The following ITGA4 variants were observed in gnomAD, a reference collection of about 807,000 sequenced individuals.
ITGA4 encodes the protein integrin subunit alpha 4, also known as integrin alpha-4.
A neutral mutation model predicts 133.6 loss-of-function variants in ITGA4; 63 were observed. The observed-to-expected ratio is 0.47, with a 90% CI of 0.38 to 0.58. The LOEUF (loss-of-function observed/expected upper bound fraction) is 0.58, where lower values mean the gene tolerates loss of function less well. Among genes scored for constraint, ITGA4 ranks in the 20% least tolerant of loss-of-function variants. The pLI is 0.00. For missense variants in ITGA4, 1,076 were observed against 1,252.7 expected (o/e 0.86, Z 2.13); for synonymous variants, 483 against 438.0 (o/e 1.10, Z -1.28).
intron 2 of ITGA4, among the ~76,000 whole-genome samples, chr2:181,472,364 C>T (rs984206967): frequency 6.6e-6 from 1 of 152,154 alleles, no homozygotes. Context: ...CTGGGTGGCT[C>T]TCTCTAGAAT....
intron 10 of ITGA4, among the ~76,000 whole-genome samples, chr2:181,488,900 G>A (rs1052858071): frequency 6.6e-6 from 1 of 152,088 alleles, no homozygotes; most frequent in Non-Finnish European, 1.5e-5. Flanking sequence ...ATGAGTAGGC[G>A]TTTTCTATAT....
chr2:181,509,848 T>G (rs531399661), intron 16 of ITGA4, 41 bp downstream of exon 16: 1 of 1,446,420 alleles, frequency 6.9e-7, no homozygotes, highest in African/African-American at 1.4e-5. Context: ...GTATGGCATT[T>G]AACTAAATTT....
intron 2 of ITGA4, among the ~76,000 whole-genome samples, chr2:181,465,965 CTG>C (rs1242332438): frequency 2.6e-4 from 40 of 152,100 alleles, no homozygotes; most frequent in South Asian, 2.1e-4. Context: ...TGTATTAAAA[CTG>C]TGGTACGTAG....
intron 1 of ITGA4, 21 bp from the exon 2 acceptor site, chr2:181,458,175 C>T (rs1389160308): frequency 1.9e-6 from 3 of 1,613,824 alleles, no homozygotes; most frequent in African/African-American, 2.7e-5. Flanking sequence ...TCTGAGCGCA[C>T]GTGCACGTGT....
At chr2:181,524,130 A>G (rs760410403) in intron 19 of ITGA4, 41 bp from the exon 20 acceptor site, 2 of 1,304,704 alleles carry the variant, frequency 1.5e-6, no homozygotes, top group Non-Finnish European at 2.2e-6. Context: ...AAATGTACTT[A>G]AGATTTTTTT....
At chr2:181,463,339 G>T (rs1204156177) in intron 2 of ITGA4, among the ~76,000 whole-genome samples, 2 of 152,142 alleles carry the variant, frequency 1.3e-5, no homozygotes, top group African/African-American at 4.8e-5. Flanking sequence ...AGATTTGTGT[G>T]TTTGACAGAT....
rs1488896278 is a variant in ITGA4 at position 181,538,113 on chromosome 2, G to A, written c.*2586G>A. The A allele has an allele frequency of 1.8e-6, 2 of 1,084,846 alleles. No individual in the cohort carries two copies. Among genetic ancestry groups the A allele is most frequent in the Admixed American group, 1.8e-5 (1 of 57,126 alleles). The allele number at this position is 1,084,846 out of a possible 1,614,324, so 67.2% of individuals were successfully genotyped here. A position where few individuals can be genotyped will look rare whatever the true frequency, so the allele number is the denominator to read the frequency against. On this transcript the variant is annotated 3_prime_UTR_variant, in exon 28 of 28. Transcript: ENST00000397033. The stretch of plus-strand genomic sequence containing the variant: ...GTCCCAAAAAGGGTGGGGACCACAG[G>A]TTTAAAGCATGGCCACATTTCTTTA...
chr2:181,466,641 G>T (rs1685423517), intron 2 of ITGA4, among the ~76,000 whole-genome samples: 1 of 151,994 alleles, frequency 6.6e-6, no homozygotes, highest in African/African-American at 2.4e-5. Flanking sequence ...TTATCTTTTA[G>T]AAACATTGCC....
In ITGA4 at chr2:181,529,668, A is replaced by G; in HGVS notation, c.2538+20A>G. On this transcript the variant is annotated intron_variant, in intron 23 of 27. Coordinates refer to ENST00000397033, the MANE Select transcript of ITGA4 (RefSeq NM_000885.6). ...GTCCAGGTAAAAATGTATTTCTTCCATCTAACCTTTATTGTGTGTCTTAAA... is the reference window on the plus strand; with the variant it reads ...GTCCAGGTAAAAATGTATTTCTTCCGTCTAACCTTTATTGTGTGTCTTAAA... The G allele has an allele frequency of 8.1e-7, 1 of 1,228,116 alleles. No homozygotes were observed. The highest frequency in any genetic ancestry group is 1.2e-5 in the South Asian group (1 of 81,896). 76.1% of individuals were successfully genotyped at this position (1,228,116 alleles called of 1,614,324 possible). A position where few individuals can be genotyped will look rare whatever the true frequency, so the allele number is the denominator to read the frequency against.
Position 181,493,318 on chromosome 2 carries a change from T to C in ITGA4, c.1154-7T>C. On this transcript the variant is annotated splice_polypyrimidine_tract_variant and splice_region_variant and intron_variant, in intron 10 of 27. Transcript: ENST00000397033. Reference sequence around the variant, plus strand: ...TTTATTTTTCCATTGTTTAAATTATTGGATAGATGTTGCTATCGGAGCTCC... The same window carrying C: ...TTTATTTTTCCATTGTTTAAATTATCGGATAGATGTTGCTATCGGAGCTCC... 1 of 1,579,586 alleles carries C rather than the reference T, an allele frequency of 6.3e-7. No individual in the cohort carries two copies. The highest frequency in any genetic ancestry group is 1.1e-5 in the South Asian group (1 of 87,504).
In ITGA4 at chr2:181,531,649, C is replaced by A; in HGVS notation, c.2665-8C>A. 6.6e-7 allele frequency: 1 copy of A among 1,520,834 alleles called. No individual in the cohort carries two copies. The highest frequency in any genetic ancestry group is 8.9e-7 in the Non-Finnish European group (1 of 1,124,632). The allele number at this position is 1,520,834 out of a possible 1,614,324, so 94.2% of individuals were successfully genotyped here. ...ATTTTAATGTAGCACTTTTATATTC[C>A]CTTCAAGTACTGCATAAAAGCTGAT... On this transcript the variant is annotated splice_region_variant and splice_polypyrimidine_tract_variant and intron_variant, in intron 24 of 27. Transcript: ENST00000397033.
Position 181,529,444 on chromosome 2 carries a change from G to A in ITGA4, c.2431-97G>A. On this transcript the variant is annotated intron_variant, in intron 22 of 27. Coordinates refer to ENST00000397033, the MANE Select transcript of ITGA4 (RefSeq NM_000885.6). Reference sequence around the variant, plus strand: ...ATAAACCTCCACCACTATAAATGTTGCATGGAATATACGGGATCACCTAAA... The same window carrying A: ...ATAAACCTCCACCACTATAAATGTTACATGGAATATACGGGATCACCTAAA... 5.6e-6 allele frequency: 3 copies of A among 539,440 alleles called. No individual in the cohort carries two copies. In the Admixed American group the frequency reaches 9.7e-5, roughly 17 times the overall value. 33.4% of individuals were successfully genotyped at this position (539,440 alleles called of 1,614,324 possible). A position where few individuals can be genotyped will look rare whatever the true frequency, so the allele number is the denominator to read the frequency against.
chr2:181,505,447 C>T (rs2198729), intron 15 of ITGA4, among the ~76,000 whole-genome samples: 148,802 of 152,158 alleles, frequency 0.98, 72,861 homozygotes, highest in Middle Eastern at 1. Flanking sequence ...CTAATTTGCA[C>T]GCTTGTGGGC....
intron 2 of ITGA4, among the ~76,000 whole-genome samples, chr2:181,473,217 GT>G (rs1685597179): frequency 6.6e-6 from 1 of 152,220 alleles, no homozygotes; most frequent in Non-Finnish European, 1.5e-5. Flanking sequence ...GAGGTGAGCA[GT>G]GGACCAGTGA....
In ITGA4 at chr2:181,494,843, T is replaced by C. The variant is rs771080230; in HGVS notation, c.1339+31T>C. ...TAATTAGTTTATCATAATTTATAAA[T>C]TGGAATAAGCTCTATCATAGATACT... On this transcript the variant is annotated intron_variant, in intron 12 of 27. Coordinates refer to ENST00000397033, the MANE Select transcript of ITGA4 (RefSeq NM_000885.6). The C allele has an allele frequency of 9.6e-6, 11 of 1,141,830 alleles. No homozygotes were observed. The East Asian group carries it at 2.6e-4, about 27-fold the overall frequency. 70.7% of individuals were successfully genotyped at this position (1,141,830 alleles called of 1,614,324 possible).
rs541365788 is a variant in ITGA4, at chr2:181,499,306, G to A, written c.1695+529G>A. Among the ~76,000 whole-genome samples the A allele has an allele frequency of 3.9e-5, 6 of 152,222 alleles. No homozygotes were observed. The South Asian group carries it at 8.3e-4, about 21-fold the overall frequency. On this transcript the variant is annotated intron_variant, in intron 15 of 27. Coordinates refer to ENST00000397033, the MANE Select transcript of ITGA4 (RefSeq NM_000885.6). ...GTGGGGATCATCTGTGGGCCAGGAC[G>A]ATAGCTCTCATGATGGTTTGGGGTA... is the stretch of plus-strand genomic sequence containing the variant.
At chr2:181,508,423 C>T (rs1029574838) in intron 15 of ITGA4, among the ~76,000 whole-genome samples, 3 of 152,058 alleles carry the variant, frequency 2.0e-5, no homozygotes, top group Admixed American at 2.0e-4. Flanking sequence ...CGGCTGGGCG[C>T]GGTGGTTCAA....
Position 181,538,464 on chromosome 2 carries a change from C to T in ITGA4, c.*2937C>T. ...AACTGACTTCCTTGATTGTCCAATG[C>T]TCTCCATTACCTCTGTAAAACAGTC... On this transcript the variant is annotated 3_prime_UTR_variant, in exon 28 of 28. Transcript: ENST00000397033. 6.6e-6 allele frequency among the ~76,000 whole-genome samples: 1 copy of T among 152,110 alleles called. No individual in the cohort carries two copies. Among genetic ancestry groups the T allele is most frequent in the Non-Finnish European group, 1.5e-5 (1 of 68,020 alleles).
rs769439846 is a variant in ITGA4 at position 181,457,604 on chromosome 2, C to G, written c.-51C>G. 9.1e-6 allele frequency: 14 copies of G among 1,541,862 alleles called. No homozygotes were observed. In the African/African-American group the frequency reaches 1.9e-4, roughly 21 times the overall value. On this transcript the variant is annotated 5_prime_UTR_variant, in exon 1 of 28. Coordinates refer to ENST00000397033, the MANE Select transcript of ITGA4 (RefSeq NM_000885.6). ...CGTTGGCCAACCGTCGCATCCCGTG[C>G]AACTTTGGGGTAGTGGCCGTTTAGT...
Sources: gnomAD v4.1 joint callset for allele counts (sites outside exome capture counted in the v4.1 genomes callset) on GRCh38, gnomAD v4.1.1 for gene constraint, MANE v1.5 for transcripts, NCBI Gene and HGNC (gene_info 2026-07-23, HGNC 2026-07-21) for gene names.